SMARCD1: variants seen among roughly 807,000 people sequenced by gnomAD.
The protein encoded by SMARCD1 is SWI/SNF related BAF chromatin remodeling complex subunit D1.
A neutral mutation model predicts 70.8 loss-of-function variants in SMARCD1; 16 were observed. That is an observed-to-expected ratio of 0.23 (90% CI 0.15 to 0.34). The LOEUF is 0.34. Among genes scored for constraint, SMARCD1 ranks in the 10% least tolerant of loss-of-function variants. The pLI, the probability that SMARCD1 is intolerant of heterozygous loss-of-function variation, is 1.00. For missense variants in SMARCD1, 409 were observed against 655.5 expected (o/e 0.62, Z 4.11); for synonymous variants, 249 against 246.0 (o/e 1.01, Z -0.11).
intron 11 of SMARCD1, 69 bp from the exon 12 acceptor site, chr12:50,098,645 G>A (rs1950913035): frequency 8.2e-7 from 1 of 1,223,460 alleles, no homozygotes; most frequent in Non-Finnish European, 1.2e-6. Context: ...ACCCAATAAT[G>A]GGTGTGAAGG....
At chr12:50,097,169 G>A (rs1950899738) in intron 11 of SMARCD1, among the ~76,000 whole-genome samples, 197 bp downstream of exon 11, 2 of 152,224 alleles carry the variant, frequency 1.3e-5, no homozygotes, top group South Asian at 4.1e-4. Context: ...TGCTTACTTT[G>A]TCTGTCACTG....
chr12:50,090,821 C>CT (rs11443542), intron 9 of SMARCD1, among the ~76,000 whole-genome samples: 4,441 of 102,262 alleles, frequency 0.043, 870 homozygotes, highest in African/African-American at 0.16. Flanking sequence ...TGTATTTGTG[C>CT]TTTTTTTTTT....
At chr12:50,091,715 T>G (rs1247003510) in intron 9 of SMARCD1, among the ~76,000 whole-genome samples, 4 of 152,188 alleles carry the variant, frequency 2.6e-5, no homozygotes, top group Non-Finnish European at 5.9e-5. Context: ...TCGCTGGGAT[T>G]ACAGGCACCT....
At chr12:50,095,488 G>A (rs565491606) in intron 10 of SMARCD1, among the ~76,000 whole-genome samples, 1 of 152,114 alleles carries the variant, frequency 6.6e-6, no homozygotes, top group East Asian at 1.9e-4. Flanking sequence ...CACTACGCCC[G>A]GCTAATTTTT....
At position 50,089,954 on chromosome 12, in the gene SMARCD1, G is replaced by A. The variant is rs774908560; in HGVS notation, c.842G>A (p.Arg281Gln). ...QVKRPGDVNV[R>Q]CTVLLMLDYQ... ...AAGCGGCCGGGAGACGTGAATGTAC[G>A]GTGTACTGTCCTACTGATGCTGGAT... Residue 281 changes from arginine (R) to glutamine (Q), a missense_variant, in exon 7 of 13, where the codon CGG becomes CAG. By Grantham distance (43) the Arg-to-Gln change is conservative. Transcript: ENST00000394963. The A allele has an allele frequency of 2.4e-5, 38 of 1,613,984 alleles. No individual in the cohort carries two copies. The highest frequency in any genetic ancestry group is 3.3e-5 in the Admixed American group (2 of 59,994).
intron 5 of SMARCD1, 130 bp downstream of exon 5, chr12:50,087,615 G>A: frequency 9.1e-7 from 1 of 1,099,498 alleles, no homozygotes; most frequent in Non-Finnish European, 1.3e-6. Flanking sequence ...GAGGGACACT[G>A]TTCCCTGCAC....
chr12:50,095,157 CTT>C (rs1295462401), intron 10 of SMARCD1, among the ~76,000 whole-genome samples: 2 of 152,182 alleles, frequency 1.3e-5, no homozygotes, highest in African/African-American at 4.8e-5. Context: ...TGTGTAAAGA[CTT>C]GAGACTGTAT....
At chr12:50,096,577 A>C in intron 10 of SMARCD1, 1 of 333,260 alleles carries the variant, frequency 3.0e-6, no homozygotes, top group Non-Finnish European at 5.6e-6. Context: ...TGGAGTAAGT[A>C]TTCATCATGT....
At chr12:50,091,969 T>G (rs1422557106) in intron 9 of SMARCD1, among the ~76,000 whole-genome samples, 1 of 152,210 alleles carries the variant, frequency 6.6e-6, no homozygotes, top group Middle Eastern at 3.2e-3. Context: ...TTGTTAAACA[T>G]CTACCAGCTC....
At position 50,099,062 on chromosome 12, in the gene SMARCD1, C is replaced by T; in HGVS notation, c.*62C>T. On this transcript the variant is annotated 3_prime_UTR_variant, in exon 13 of 13. Coordinates refer to ENST00000394963, the MANE Select transcript of SMARCD1 (RefSeq NM_003076.5). ...CTTGATTTGGGCCCTGTGCTGCCTG[C>T]CTCATAGTATCTGCCTTGGTCTTGC... The T allele has an allele frequency of 6.7e-7, 1 of 1,501,724 alleles. No homozygotes were observed. The highest frequency in any genetic ancestry group is 9.3e-7 in the Non-Finnish European group (1 of 1,078,480). 93.0% of individuals were successfully genotyped at this position (1,501,724 alleles called of 1,614,324 possible). A position where few individuals can be genotyped will look rare whatever the true frequency, so the allele number is the denominator to read the frequency against.
intron 9 of SMARCD1, among the ~76,000 whole-genome samples, chr12:50,091,385 C>A (rs1244098209): frequency 6.6e-6 from 1 of 151,604 alleles, no homozygotes. Context: ...AAGTGATTCT[C>A]CTGCCGTAGC....
rs746406610 is a variant in SMARCD1 at position 50,090,509 on chromosome 12, G to A, written c.1052G>A (p.Arg351His). ...TTGCTACAGATCTTTGAGTCTCAAC[G>A]TATGAAGTTTTCAGAGATCCCTCAG... ...KYLQQIFESQ[R>H]MKFSEIPQRL... Residue 351 changes from arginine to histidine, a missense_variant, in exon 9 of 13, where the codon CGT becomes CAT. Physicochemically the swap from Arg to His is conservative, Grantham distance 29. Coordinates refer to ENST00000394963, the MANE Select transcript of SMARCD1 (RefSeq NM_003076.5). 9 of 1,614,014 alleles carry A rather than the reference G, an allele frequency of 5.6e-6. No individual in the cohort carries two copies. Among genetic ancestry groups the A allele is most frequent in the South Asian group, 3.3e-5 (3 of 91,074 alleles).
intron 10 of SMARCD1, 77 bp from the exon 11 acceptor site, chr12:50,096,773 G>GT (rs1950896704): frequency 7.0e-7 from 1 of 1,432,708 alleles, no homozygotes; most frequent in Admixed American, 1.8e-5. Context: ...GGCATGTGGA[G>GT]TTGTCAGGCA....
At chr12:50,093,132 C>T (rs550211604) in intron 9 of SMARCD1, among the ~76,000 whole-genome samples, 3 of 151,602 alleles carry the variant, frequency 2.0e-5, no homozygotes, top group South Asian at 2.1e-4. Flanking sequence ...GCCAAGACTG[C>T]GCCACTGCAC....
chr12:50,091,502 C>A (rs959824099), intron 9 of SMARCD1, among the ~76,000 whole-genome samples: 1 of 151,416 alleles, frequency 6.6e-6, no homozygotes, highest in East Asian at 2.0e-4. Context: ...CTTGAACTCC[C>A]GACCTCAGGT....
At position 50,086,572 on chromosome 12, in the gene SMARCD1, G is replaced by A. The variant is rs201183599; in HGVS notation, c.366-49G>A. 6.3e-5 allele frequency: 99 copies of A among 1,578,930 alleles called. No homozygotes were observed. The African/African-American group carries it at 8.1e-4, about 13-fold the overall frequency. On this transcript the variant is annotated intron_variant, in intron 2 of 12. Coordinates refer to ENST00000394963, the MANE Select transcript of SMARCD1 (RefSeq NM_003076.5). ...GGACGTGCTGACAGCTTATTTTCACGTTCTGACTAGTTCTGTCCCAACCTG... is the reference window on the plus strand; with the variant it reads ...GGACGTGCTGACAGCTTATTTTCACATTCTGACTAGTTCTGTCCCAACCTG...
chr12:50,089,155 A>G (rs1156707194), intron 6 of SMARCD1: 4 of 152,314 alleles, frequency 2.6e-5, no homozygotes, highest in African/African-American at 7.2e-5. Flanking sequence ...AGCCCATGTT[A>G]GCAACAGTAT....
intron 2 of SMARCD1, 46 bp downstream of exon 2, chr12:50,086,394 G>T (rs761473668): frequency 1.4e-6 from 2 of 1,427,016 alleles, no homozygotes; most frequent in East Asian, 4.6e-5. Flanking sequence ...GAGCCTGGGA[G>T]GACACAGGTG....
At position 50,100,540 on chromosome 12, in the gene SMARCD1, A is replaced by G. The variant is rs890912890; in HGVS notation, c.*1540A>G. 1.0e-4 allele frequency: 16 copies of G among 152,760 alleles called. No individual in the cohort carries two copies. Among genetic ancestry groups the G allele is most frequent in the African/African-American group, 3.8e-4 (16 of 41,564 alleles). 9.5% of individuals were successfully genotyped at this position (152,760 alleles called of 1,614,324 possible). A position where few individuals can be genotyped will look rare whatever the true frequency, so the allele number is the denominator to read the frequency against. On this transcript the variant is annotated 3_prime_UTR_variant, in exon 13 of 13. Coordinates refer to ENST00000394963, the MANE Select transcript of SMARCD1 (RefSeq NM_003076.5). ...AGTACTTCCCACAGTGTCCCTGTTG[A>G]TAACTGTTTTTATTAACTGAATTGT...
Sources: allele counts gnomAD v4.1 joint callset (sites outside exome capture counted in the v4.1 genomes callset), GRCh38; gene constraint gnomAD v4.1.1; transcripts MANE v1.5; gene names NCBI Gene and HGNC (gene_info 2026-07-23, HGNC 2026-07-21).